The following RBFOX1 variants were observed in gnomAD, a reference collection of about 807,000 sequenced individuals.
RBFOX1 encodes RNA binding protein fox-1 homolog 1.
RBFOX1 carries 8 observed loss-of-function variants against 57.7 expected under a neutral mutation model. That is an observed-to-expected ratio of 0.14 (90% CI 0.08 to 0.25). The LOEUF (loss-of-function observed/expected upper bound fraction) is 0.25, where lower values mean the gene tolerates loss of function less well. Among genes scored for constraint, RBFOX1 ranks in the 10% least tolerant of loss-of-function variants. RBFOX1 has a pLI of 1.00. For missense variants in RBFOX1, 611 were observed against 548.5 expected (o/e 1.11, Z -1.14); for synonymous variants, 326 against 222.4 (o/e 1.47, Z -4.15).
At chr16:7,049,574 G>C (rs1183832316) in intron 3 of RBFOX1, among the ~76,000 whole-genome samples, 2 of 152,136 alleles carry the variant, frequency 1.3e-5, no homozygotes, top group Non-Finnish European at 2.9e-5. Context: ...TTATATGGCT[G>C]GGTGTCTGAT....
chr16:7,539,296 G>C (rs1280508187), intron 5 of RBFOX1, among the ~76,000 whole-genome samples: 2 of 152,156 alleles, frequency 1.3e-5, no homozygotes, highest in African/African-American at 4.8e-5. Context: ...TGTTCTGAAG[G>C]ATGGGAGAGT....
chr16:7,292,179 C>T (rs145208933), intron 4 of RBFOX1, among the ~76,000 whole-genome samples: 1 of 117,504 alleles, frequency 8.5e-6, no homozygotes, highest in South Asian at 2.5e-4. Flanking sequence ...TATCATATAT[C>T]ATATATGATA....
chr16:6,137,863 A>G (rs1454656094), intron 1 of RBFOX1, among the ~76,000 whole-genome samples: 2 of 151,988 alleles, frequency 1.3e-5, no homozygotes, highest in Non-Finnish European at 2.9e-5. Flanking sequence ...TCCTGCCTCA[A>G]TCTCCCAAAG....
chr16:5,470,319 G>C (rs930398689), intron 2 of RBFOX1, among the ~76,000 whole-genome samples: 1 of 152,224 alleles, frequency 6.6e-6, no homozygotes, highest in African/African-American at 2.4e-5. Context: ...TTCTCACCTA[G>C]AGGGACCAAA....
intron 4 of RBFOX1, among the ~76,000 whole-genome samples, chr16:7,395,154 A>C (rs1423937421): frequency 2.7e-5 from 4 of 149,630 alleles, no homozygotes; most frequent in Non-Finnish European, 5.9e-5. Context: ...CATATTTCCA[A>C]GTGTGGATTT....
At chr16:6,083,798 C>T (rs767075897) in intron 1 of RBFOX1, among the ~76,000 whole-genome samples, 2 of 152,028 alleles carry the variant, frequency 1.3e-5, no homozygotes, top group Non-Finnish European at 2.9e-5. Flanking sequence ...GTCTCAATCC[C>T]TCAACTCCAA....
At chr16:6,644,016 C>G (rs970056707) in intron 2 of RBFOX1, among the ~76,000 whole-genome samples, 1 of 152,096 alleles carries the variant, frequency 6.6e-6, no homozygotes, top group Non-Finnish European at 1.5e-5. Flanking sequence ...ATCCCAGCTA[C>G]TAGGTAGGCT....
At chr16:6,222,177 G>A (rs908725123) in intron 1 of RBFOX1, among the ~76,000 whole-genome samples, 5 of 152,136 alleles carry the variant, frequency 3.3e-5, no homozygotes, top group Admixed American at 6.5e-5. Context: ...TTAGACTAGA[G>A]AGATATTTCT....
chr16:6,207,787 A>G (rs2097264975), intron 1 of RBFOX1, among the ~76,000 whole-genome samples: 1 of 152,092 alleles, frequency 6.6e-6, no homozygotes, highest in Admixed American at 6.6e-5. Context: ...CCCTGGGCTC[A>G]GGGGATCCTC....
At chr16:5,449,163 C>A (rs559742817) in intron 1 of RBFOX1, among the ~76,000 whole-genome samples, 2 of 152,290 alleles carry the variant, frequency 1.3e-5, no homozygotes, top group South Asian at 4.1e-4. Flanking sequence ...CCTGGAGCAT[C>A]CCCTGCCCAA....
chr16:5,771,328 C>T (rs1245048376), intron 3 of RBFOX1, among the ~76,000 whole-genome samples: 1 of 152,208 alleles, frequency 6.6e-6, no homozygotes, highest in African/African-American at 2.4e-5. Context: ...CTACATGTAC[C>T]TGAGAAGTGA....
At chr16:6,930,715 C>T (rs1440213462) in intron 3 of RBFOX1, among the ~76,000 whole-genome samples, 1 of 152,090 alleles carries the variant, frequency 6.6e-6, no homozygotes, top group Non-Finnish European at 1.5e-5. Context: ...TGGCCTAATT[C>T]CCCGTTTTTA....
At chr16:7,502,106 C>A (rs1268846188) in intron 4 of RBFOX1, among the ~76,000 whole-genome samples, 1 of 148,346 alleles carries the variant, frequency 6.7e-6, no homozygotes, top group African/African-American at 2.5e-5. Flanking sequence ...TTTTTTTTTT[C>A]AGCTGGCAAA....
intron 4 of RBFOX1, among the ~76,000 whole-genome samples, chr16:7,109,717 G>C (rs1245218485): frequency 1.3e-5 from 2 of 152,092 alleles, no homozygotes; most frequent in East Asian, 3.9e-4. Context: ...TCTTGAGGTG[G>C]AAAAGAAGAG....
At chr16:7,323,343 G>C (rs1026484422) in intron 4 of RBFOX1, among the ~76,000 whole-genome samples, 1 of 152,182 alleles carries the variant, frequency 6.6e-6, no homozygotes, top group African/African-American at 2.4e-5. Flanking sequence ...AGGATTGTTT[G>C]AGCCCAGGAG....
chr16:6,593,002 G>A (rs563394744), intron 2 of RBFOX1, among the ~76,000 whole-genome samples: 24 of 152,222 alleles, frequency 1.6e-4, no homozygotes, highest in South Asian at 4.1e-4. Context: ...CGACTAGCCC[G>A]GCCAACATGG....
intron 4 of RBFOX1, among the ~76,000 whole-genome samples, chr16:7,493,021 G>A (rs1207663410): frequency 6.6e-6 from 1 of 152,154 alleles, no homozygotes; most frequent in Admixed American, 6.5e-5. Flanking sequence ...TGGGATTACA[G>A]GTGCCTGCCA....
chr16:7,442,333 C>G (rs945425839), intron 4 of RBFOX1, among the ~76,000 whole-genome samples: 1 of 152,170 alleles, frequency 6.6e-6, no homozygotes, highest in African/African-American at 2.4e-5. Flanking sequence ...CCAGCACAGC[C>G]TTCCTTAGGC....
intron 3 of RBFOX1, among the ~76,000 whole-genome samples, chr16:5,715,999 C>CA (rs1039207921): frequency 2.0e-5 from 3 of 151,952 alleles, no homozygotes; most frequent in East Asian, 3.9e-4. Flanking sequence ...CTCCCTATTT[C>CA]AAAAAAACTC....
Sources: allele counts gnomAD v4.1 joint callset (sites outside exome capture counted in the v4.1 genomes callset), GRCh38; gene constraint gnomAD v4.1.1; transcripts MANE v1.5; gene names NCBI Gene and HGNC (gene_info 2026-07-23, HGNC 2026-07-21).